GRM8: variants seen among roughly 807,000 people sequenced by gnomAD.
The protein encoded by GRM8 is glutamate metabotropic receptor 8, also known as metabotropic glutamate receptor 8.
GRM8 carries 47 observed loss-of-function variants against 87.2 expected under a neutral mutation model. The ratio of observed to expected loss-of-function variants is 0.54; its 90% CI spans 0.43 to 0.69. The LOEUF (loss-of-function observed/expected upper bound fraction) is 0.69. Among genes scored for constraint, GRM8 ranks in the 30% least tolerant of loss-of-function variants. The pLI, the probability that GRM8 is intolerant of heterozygous loss-of-function variation, is 0.00. For synonymous variants in GRM8, 396 were observed against 404.5 expected, an observed-to-expected ratio of 0.98 and a Z score of 0.25; for missense variants, 1,019 against 1,139.2, an observed-to-expected ratio of 0.89 and a Z score of 1.52.
intron 6 of GRM8, among the ~76,000 whole-genome samples, chr7:126,862,297 TA>T (rs1798202389): frequency 6.6e-6 from 1 of 152,004 alleles, no homozygotes; most frequent in African/African-American, 2.4e-5. Flanking sequence ...TTCTGTTTTG[TA>T]ATAAAGGTAC....
At position 126,961,037 on chromosome 7, in the gene GRM8, CCTT is replaced by C. The variant is rs548086069; in HGVS notation, c.728-56357_728-56355del. On this transcript the variant is annotated intron_variant, in intron 3 of 10. Coordinates refer to ENST00000339582, the MANE Select transcript of GRM8 (RefSeq NM_000845.3). Reference sequence around the variant, plus strand: ...AAATATTCATACATCAAACAATTCTCCTTCTTCATTTTCATAAAGACAGTTCTG... The same window carrying C: ...AAATATTCATACATCAAACAATTCTCCTTCATTTTCATAAAGACAGTTCTG... Among the ~76,000 whole-genome samples, 71 of 152,286 alleles carry C rather than the reference CCTT, an allele frequency of 4.7e-4. 1 individual carries two copies. The highest frequency in any genetic ancestry group is 4.3e-3 in the Admixed American group (66 of 15,298).
At chr7:127,007,727 A>G (rs1391292959) in intron 3 of GRM8, among the ~76,000 whole-genome samples, 3 of 152,110 alleles carry the variant, frequency 2.0e-5, no homozygotes, top group African/African-American at 7.2e-5. Flanking sequence ...AAAATATGTT[A>G]TCAAGTATCT....
intron 3 of GRM8, among the ~76,000 whole-genome samples, chr7:126,983,141 G>T (rs984531872): frequency 6.6e-6 from 1 of 152,038 alleles, no homozygotes; most frequent in Non-Finnish European, 1.5e-5. Flanking sequence ...CAGTTCAAAG[G>T]AATCATTGTT....
chr7:126,613,880 A>T (rs1035318577), intron 7 of GRM8, among the ~76,000 whole-genome samples: 1 of 152,176 alleles, frequency 6.6e-6, no homozygotes, highest in African/African-American at 2.4e-5. Context: ...AGCAGCCCGG[A>T]TTCCCTCAAA....
chr7:126,460,262 C>A (rs961224465), intron 9 of GRM8, among the ~76,000 whole-genome samples: 4 of 151,586 alleles, frequency 2.6e-5, no homozygotes, highest in Non-Finnish European at 5.9e-5. Context: ...GGTGACCTCT[C>A]CAAGTCACTA....
chr7:126,758,322 G>GTAT (rs1563158379), intron 7 of GRM8, among the ~76,000 whole-genome samples: 1 of 152,066 alleles, frequency 6.6e-6, no homozygotes, highest in African/African-American at 2.4e-5. Context: ...TATGAGCTAG[G>GTAT]TATTATTATT....
chr7:126,777,468 T>G (rs1819605585), intron 6 of GRM8, among the ~76,000 whole-genome samples: 2 of 152,142 alleles, frequency 1.3e-5, no homozygotes, highest in African/African-American at 4.8e-5. Flanking sequence ...TCTGTGAAAT[T>G]TCCTTTGATT....
chr7:126,985,313 T>C (rs1475575396), intron 3 of GRM8, among the ~76,000 whole-genome samples: 5 of 152,178 alleles, frequency 3.3e-5, no homozygotes, highest in Non-Finnish European at 7.3e-5. Context: ...TAAAATCAGC[T>C]CAACCTCAAA....
At chr7:127,105,958 C>T (rs1436833620) in intron 3 of GRM8, among the ~76,000 whole-genome samples, 2 of 151,948 alleles carry the variant, frequency 1.3e-5, no homozygotes, top group East Asian at 3.9e-4. Flanking sequence ...GTTTTTACAT[C>T]TTGTCCTTCA....
At chr7:126,985,826 A>C (rs1811997715) in intron 3 of GRM8, among the ~76,000 whole-genome samples, 1 of 152,212 alleles carries the variant, frequency 6.6e-6, no homozygotes. Context: ...ATCACATCTT[A>C]AAGGCCCCAC....
intron 2 of GRM8, among the ~76,000 whole-genome samples, chr7:127,150,160 T>G (rs1828776287): frequency 6.6e-6 from 1 of 152,052 alleles, no homozygotes; most frequent in Non-Finnish European, 1.5e-5. Flanking sequence ...ATTTATTTTA[T>G]AAATAAATAA....
intron 6 of GRM8, among the ~76,000 whole-genome samples, chr7:126,840,501 T>A (rs1456681717): frequency 6.6e-6 from 1 of 152,202 alleles, no homozygotes; most frequent in Non-Finnish European, 1.5e-5. Context: ...GCATAGTTTT[T>A]TTCTCATTCA....
intron 8 of GRM8, among the ~76,000 whole-genome samples, chr7:126,537,845 T>C (rs1027590381): frequency 6.6e-6 from 1 of 152,142 alleles, no homozygotes; most frequent in African/African-American, 2.4e-5. Context: ...TTTCCACAAC[T>C]GTTACAAAGC....
intron 7 of GRM8, among the ~76,000 whole-genome samples, chr7:126,654,507 G>C (rs1486350387): frequency 6.6e-6 from 1 of 152,146 alleles, no homozygotes; most frequent in Non-Finnish European, 1.5e-5. Flanking sequence ...GACAATGTAA[G>C]GTTCATTTTC....
intron 1 of GRM8, among the ~76,000 whole-genome samples, chr7:127,247,279 C>G (rs561929010): frequency 6.6e-6 from 1 of 152,168 alleles, no homozygotes; most frequent in Non-Finnish European, 1.5e-5. Flanking sequence ...CCAACGCATG[C>G]AGGGTCTCTC....
chr7:126,789,826 T>C (rs1429567032), intron 6 of GRM8, among the ~76,000 whole-genome samples: 1 of 152,236 alleles, frequency 6.6e-6, no homozygotes, highest in Non-Finnish European at 1.5e-5. Context: ...AGGTTTGCTA[T>C]ATAAGTTATG....
At chr7:126,956,090 T>C in intron 3 of GRM8, among the ~76,000 whole-genome samples, 1 of 152,324 alleles carries the variant, frequency 6.6e-6, no homozygotes, top group East Asian at 1.9e-4. Flanking sequence ...TTTTGGTATA[T>C]TATCAACTAC....
chr7:126,715,357 T>C (rs1266963219), intron 7 of GRM8, among the ~76,000 whole-genome samples: 1 of 152,200 alleles, frequency 6.6e-6, no homozygotes, highest in Non-Finnish European at 1.5e-5. Flanking sequence ...TGTATTACTG[T>C]TCATTTCATG....
intron 3 of GRM8, among the ~76,000 whole-genome samples, chr7:126,909,976 G>A (rs1425561510): frequency 6.6e-6 from 1 of 151,638 alleles, no homozygotes; most frequent in South Asian, 2.1e-4. Context: ...AATGATTGAT[G>A]GATAAGATAA....
Sources: allele counts gnomAD v4.1 joint callset (sites outside exome capture counted in the v4.1 genomes callset), GRCh38; gene constraint gnomAD v4.1.1; transcripts MANE v1.5; gene names NCBI Gene and HGNC (gene_info 2026-07-23, HGNC 2026-07-21).